Variants in SPATA6 observed in about 807,000 individuals in gnomAD.
SPATA6 encodes the protein spermatogenesis-associated protein 6.
In SPATA6, 56 loss-of-function variants were observed where a neutral mutation model predicts 65.3. That is an observed-to-expected ratio of 0.86 (90% CI 0.69 to 1.07). The LOEUF (loss-of-function observed/expected upper bound fraction) is 1.07. SPATA6 is among the 50% of genes least tolerant of loss of function. SPATA6 has a pLI of 0.00. For synonymous variants in SPATA6, 199 were observed against 213.2 expected (o/e 0.93, Z 0.58); for missense variants, 590 against 594.8 (o/e 0.99, Z 0.08).
chr1:48,315,092 C>G (rs1327994680), intron 11 of SPATA6, among the ~76,000 whole-genome samples: 1 of 152,168 alleles, frequency 6.6e-6, no homozygotes, highest in Non-Finnish European at 1.5e-5. Context: ...GACGGATTCA[C>G]AGCCGAATTC....
At chr1:48,435,221 G>C (rs143724118) in intron 3 of SPATA6, among the ~76,000 whole-genome samples, 1 of 152,276 alleles carries the variant, frequency 6.6e-6, no homozygotes, top group East Asian at 1.9e-4. Context: ...AAGCCAGCTG[G>C]ACTCCCTGGG....
chr1:48,277,872 GCCT>G, the SPATA6 span, among the ~76,000 whole-genome samples: 1 of 152,244 alleles, frequency 6.6e-6, no homozygotes, highest in Non-Finnish European at 1.5e-5. Flanking sequence ...TGGGCAGACT[GCCT>G]CCTCAAGTGG....
intron 1 of SPATA6, among the ~76,000 whole-genome samples, chr1:48,459,934 T>A (rs772487131): frequency 3.9e-5 from 6 of 152,008 alleles, no homozygotes; most frequent in Non-Finnish European, 8.8e-5. Flanking sequence ...TGAATAAAAG[T>A]GAAAACACAA....
At chr1:48,267,597 G>GC in the SPATA6 span, among the ~76,000 whole-genome samples, 1 of 151,970 alleles carries the variant, frequency 6.6e-6, no homozygotes, top group Non-Finnish European at 1.5e-5. Context: ...GCCAAATTCT[G>GC]CGTTGTCCTA....
At chr1:48,387,688 T>C (rs971369028) in intron 8 of SPATA6, among the ~76,000 whole-genome samples, 3 of 151,976 alleles carry the variant, frequency 2.0e-5, no homozygotes, top group Admixed American at 6.6e-5. Context: ...CCAGACCATA[T>C]AGTTTGAGGG....
At chr1:48,353,852 A>C (rs1570262680) in intron 11 of SPATA6, among the ~76,000 whole-genome samples, 1 of 152,056 alleles carries the variant, frequency 6.6e-6, no homozygotes, top group East Asian at 1.9e-4. Context: ...AAGTAGACAA[A>C]AACTATAAAA....
chr1:48,310,458 G>A (rs1447558557), intron 11 of SPATA6, among the ~76,000 whole-genome samples: 2 of 152,184 alleles, frequency 1.3e-5, no homozygotes, highest in African/African-American at 4.8e-5. Context: ...AAAACTTACT[G>A]TCCCTACCAA....
chr1:48,261,951 T>A, the SPATA6 span, among the ~76,000 whole-genome samples: 1 of 152,056 alleles, frequency 6.6e-6, no homozygotes, highest in Non-Finnish European at 1.5e-5. Flanking sequence ...ATTCACTGTT[T>A]CCAGTGTGTT....
At chr1:48,438,911 A>T (rs1655196631) in intron 3 of SPATA6, among the ~76,000 whole-genome samples, 1 of 152,170 alleles carries the variant, frequency 6.6e-6, no homozygotes. Flanking sequence ...GAATTTTAGG[A>T]TCCTTCCTCA....
intron 11 of SPATA6, among the ~76,000 whole-genome samples, chr1:48,322,317 G>A (rs772301711): frequency 1.3e-5 from 2 of 152,228 alleles, no homozygotes; most frequent in Non-Finnish European, 2.9e-5. Flanking sequence ...AAGCAATAGG[G>A]AAATGATTCC....
intron 11 of SPATA6, among the ~76,000 whole-genome samples, chr1:48,350,356 A>C (rs1438197087): frequency 1.3e-5 from 2 of 150,276 alleles, no homozygotes; most frequent in Non-Finnish European, 3.0e-5. Context: ...ATGTGATTTT[A>C]AAATATTTTC....
intron 3 of SPATA6, among the ~76,000 whole-genome samples, chr1:48,438,886 G>T (rs528730529): frequency 5.9e-5 from 9 of 152,024 alleles, no homozygotes; most frequent in Non-Finnish European, 1.3e-4. Context: ...CCCATCAGGT[G>T]GGGGGGACTA....
intron 11 of SPATA6, among the ~76,000 whole-genome samples, chr1:48,316,178 A>G (rs568244217): frequency 1.4e-4 from 21 of 152,172 alleles, no homozygotes; most frequent in Non-Finnish European, 2.6e-4. Flanking sequence ...ATTGGAAAAA[A>G]CTACTTTAAA....
Position 48,298,770 on chromosome 1 carries a change from G to A in SPATA6, c.1410C>T (p.Tyr470=). ...TACAGGCCTTTTTGTATAAGTTCCT[G>A]TACATCTTGTCCATGCTGTTCTCAA... ...PIFENSMDKM[Y]RNLYKKACSS... is the part of the protein sequence containing the mutation. Residue 470 remains tyrosine, a synonymous_variant, in exon 13 of 13, where the codon TAC becomes TAT. Coordinates refer to ENST00000371847, the MANE Select transcript of SPATA6 (RefSeq NM_019073.4). 1 of 1,613,992 alleles carries A rather than the reference G, an allele frequency of 6.2e-7. No homozygotes were observed. Among genetic ancestry groups the A allele is most frequent in the Non-Finnish European group, 8.5e-7 (1 of 1,179,924 alleles).
At chr1:48,471,793 G>C (rs540212544) in intron 1 of SPATA6, among the ~76,000 whole-genome samples, 165 bp downstream of exon 1, 6 of 152,230 alleles carry the variant, frequency 3.9e-5, no homozygotes, top group African/African-American at 1.2e-4. Flanking sequence ...GTGGGAGAGC[G>C]CTTCTGAGAA....
chr1:48,396,004 C>A (rs1252152283), intron 7 of SPATA6, among the ~76,000 whole-genome samples: 1 of 151,602 alleles, frequency 6.6e-6, no homozygotes, highest in Non-Finnish European at 1.5e-5. Context: ...TAAAGAACCC[C>A]TACAACTCAA....
At chr1:48,436,743 T>G (rs1654976784) in intron 3 of SPATA6, 2 of 1,614,216 alleles carry the variant, frequency 1.2e-6, no homozygotes, top group Non-Finnish European at 1.7e-6. Flanking sequence ...TTACAGCATG[T>G]GAATTAGCCA....
At chr1:48,335,126 T>A (rs1249592636) in intron 11 of SPATA6, among the ~76,000 whole-genome samples, 7 of 151,790 alleles carry the variant, frequency 4.6e-5, no homozygotes, top group Non-Finnish European at 4.4e-5. Flanking sequence ...CTCAAAAAAA[T>A]CAGAGATGAC....
chr1:48,367,058 G>A (rs1233915043), intron 9 of SPATA6, among the ~76,000 whole-genome samples: 2 of 152,150 alleles, frequency 1.3e-5, no homozygotes, highest in African/African-American at 4.8e-5. Flanking sequence ...TATGTACTCA[G>A]TAGTCATTCA....
Sources: gnomAD v4.1 joint callset for allele counts (sites outside exome capture counted in the v4.1 genomes callset) on GRCh38, gnomAD v4.1.1 for gene constraint, MANE v1.5 for transcripts, NCBI Gene and HGNC (gene_info 2026-07-23, HGNC 2026-07-21) for gene names.